The following SCOC variants were observed in gnomAD, a reference collection of about 807,000 sequenced individuals.
SCOC encodes short coiled-coil protein.
A neutral mutation model predicts 9.9 loss-of-function variants in SCOC; 7 were observed. The ratio of observed to expected loss-of-function variants is 0.71; its 90% CI spans 0.40 to 1.33. SCOC has a LOEUF of 1.33. SCOC is among the 40% of genes most tolerant of loss of function. The pLI, the probability that SCOC is intolerant of heterozygous loss-of-function variation, is 0.01. For synonymous variants in SCOC, 19 were observed against 28.2 expected (o/e 0.67, Z 1.03); for missense variants, 66 against 89.7 (o/e 0.74, Z 1.07).
chr4:140,362,119 C>T (rs1578859495), intron 2 of SCOC, among the ~76,000 whole-genome samples: 1 of 151,510 alleles, frequency 6.6e-6, no homozygotes, highest in Non-Finnish European at 1.5e-5. Flanking sequence ...TTTCTGCCTT[C>T]ACTGAAGAAG....
chr4:140,354,658 CTAAT>C (rs906695779), intron 2 of SCOC, among the ~76,000 whole-genome samples: 9 of 151,408 alleles, frequency 5.9e-5, no homozygotes, highest in Middle Eastern at 3.4e-3. Context: ...AAATTCGTAA[CTAAT>C]TGATTATTTT....
intron 1 of SCOC, among the ~76,000 whole-genome samples, chr4:140,307,471 T>G (rs998206924): frequency 6.6e-6 from 1 of 152,162 alleles, no homozygotes; most frequent in Non-Finnish European, 1.5e-5. Flanking sequence ...TCAGTTAAAG[T>G]TCAGGAGGTG....
At chr4:140,373,559 G>A, upstream of SCOC, 1 of 1,551,728 alleles carries the variant, frequency 6.4e-7, no homozygotes, top group African/African-American at 1.4e-5. Context: ...GTATTCTCGA[G>A]TCAGGATTGG....
intron 1 of SCOC, chr4:140,285,068 A>G (rs1731226610): frequency 2.4e-6 from 1 of 414,430 alleles, no homozygotes; most frequent in African/African-American, 2.0e-5. Flanking sequence ...TCCATGCATT[A>G]TTTCCCTCAC....
At chr4:140,370,167 AT>A (rs1458080043), upstream of SCOC, among the ~76,000 whole-genome samples, 5 of 152,172 alleles carry the variant, frequency 3.3e-5, no homozygotes, top group Admixed American at 3.3e-4. Flanking sequence ...CTATTTGGAG[AT>A]TTACAAATAT....
intron 1 of SCOC, among the ~76,000 whole-genome samples, chr4:140,302,293 G>A (rs1731835270): frequency 6.6e-6 from 1 of 152,032 alleles, no homozygotes; most frequent in Non-Finnish European, 1.5e-5. Flanking sequence ...AGGGGTCTTT[G>A]TCTTTTCATT....
chr4:140,362,302 T>TTCTTC (rs1727582964), intron 2 of SCOC, among the ~76,000 whole-genome samples: 1 of 27,834 alleles, frequency 3.6e-5, no homozygotes, highest in African/African-American at 1.2e-4. Flanking sequence ...TCTTCTTCTT[T>TTCTTC]TTTTTTTTTT....
chr4:140,338,248 G>T (rs1470288341), intron 1 of SCOC, among the ~76,000 whole-genome samples: 1 of 152,042 alleles, frequency 6.6e-6, no homozygotes, highest in Non-Finnish European at 1.5e-5. Flanking sequence ...AAATTCAACA[G>T]CCCTTCATGC....
upstream of SCOC, among the ~76,000 whole-genome samples, chr4:140,339,511 G>T (rs1413218551): frequency 6.6e-6 from 1 of 152,160 alleles, no homozygotes; most frequent in South Asian, 2.1e-4. Context: ...GAGTGAACAG[G>T]CAACCTACGG....
chr4:140,315,645 G>C (rs970734886), intron 1 of SCOC, among the ~76,000 whole-genome samples: 3 of 152,236 alleles, frequency 2.0e-5, no homozygotes, highest in African/African-American at 7.2e-5. Flanking sequence ...GTGGCCTCCT[G>C]TGACCCCTGC....
chr4:140,302,065 C>G (rs1219620293), intron 1 of SCOC, among the ~76,000 whole-genome samples: 1 of 152,190 alleles, frequency 6.6e-6, no homozygotes, highest in East Asian at 1.9e-4. Context: ...AACTCCTGGG[C>G]TCAAGTGATT....
rs748710122 is a variant in SCOC at position 140,381,145 on chromosome 4, A to AT, written c.*47dup. On this transcript the variant is annotated 3_prime_UTR_variant, in exon 4 of 4. Coordinates refer to ENST00000608372, the MANE Select transcript of SCOC (RefSeq NM_001153484.2). ...CTGTTTTATGGAATTGCTGCTGATC[A>AT]TTTTTTCTTTAAAACTTGGATAGAT... is the stretch of plus-strand genomic sequence containing the variant. 7.1e-6 allele frequency: 11 copies of AT among 1,539,268 alleles called. No homozygotes were observed. The Admixed American group carries it at 2.7e-4, about 38-fold the overall frequency.
rs1728572807 is a variant in SCOC, at chr4:140,381,517, TGC to T, written c.*414_*415del. On this transcript the variant is annotated 3_prime_UTR_variant, in exon 4 of 4. Coordinates refer to ENST00000608372, the MANE Select transcript of SCOC (RefSeq NM_001153484.2). ...CACCATCTTGTGCCTCTTCTCCATTTGCCTCTTCCTTCCTATTTCCCTTCCGC... is the reference window on the plus strand; with the variant it reads ...CACCATCTTGTGCCTCTTCTCCATTTCTCTTCCTTCCTATTTCCCTTCCGC... 6.5e-6 allele frequency: 1 copy of T among 152,840 alleles called. No homozygotes were observed. Among genetic ancestry groups the T allele is most frequent in the Non-Finnish European group, 1.5e-5 (1 of 68,234 alleles). The allele number at this position is 152,840 out of a possible 1,614,324, so 9.5% of individuals were successfully genotyped here.
chr4:140,359,003 A>T (rs142427284), intron 2 of SCOC, among the ~76,000 whole-genome samples: 163 of 152,326 alleles, frequency 1.1e-3, no homozygotes, highest in Admixed American at 2.4e-3. Flanking sequence ...TTGCATTTTC[A>T]TTCAGTGTTT....
intron 2 of SCOC, among the ~76,000 whole-genome samples, chr4:140,349,388 T>C (rs1472263935): frequency 1.3e-5 from 2 of 152,194 alleles, no homozygotes; most frequent in Admixed American, 6.5e-5. Context: ...AATCCTAGTT[T>C]TAAAAACAAT....
chr4:140,263,381 G>C (rs1297977334), intron 1 of SCOC, among the ~76,000 whole-genome samples: 2 of 152,202 alleles, frequency 1.3e-5, no homozygotes, highest in African/African-American at 4.8e-5. Context: ...ACAGCTAAAA[G>C]AAGGGTGAGC....
At chr4:140,362,877 T>G (rs764105089) in intron 2 of SCOC, 3 of 152,102 alleles carry the variant, frequency 2.0e-5, no homozygotes, top group Non-Finnish European at 2.9e-5. Context: ...GATCATTCAA[T>G]TTAGAGGTTT....
chr4:140,356,740 T>C (rs1727246572), intron 2 of SCOC, among the ~76,000 whole-genome samples: 1 of 152,232 alleles, frequency 6.6e-6, no homozygotes, highest in Non-Finnish European at 1.5e-5. Flanking sequence ...CTTTGAGCTC[T>C]TGATTACGGG....
chr4:140,258,482 A>G (rs1167255699), intron 1 of SCOC, among the ~76,000 whole-genome samples: 1 of 152,250 alleles, frequency 6.6e-6, no homozygotes, highest in East Asian at 1.9e-4. Context: ...TCCAGATAAG[A>G]CACACTCCAT....
Sources: gnomAD v4.1 joint callset for allele counts (sites outside exome capture counted in the v4.1 genomes callset) on GRCh38, gnomAD v4.1.1 for gene constraint, MANE v1.5 for transcripts, NCBI Gene and HGNC (gene_info 2026-07-23, HGNC 2026-07-21) for gene names.